ZNF365: variants seen among roughly 807,000 people sequenced by gnomAD.
ZNF365 encodes the protein protein ZNF365.
Under a neutral mutation model 35.0 loss-of-function variants are expected in ZNF365, and 22 were observed. The ratio of observed to expected loss-of-function variants is 0.63; its 90% CI spans 0.45 to 0.90. The LOEUF (loss-of-function observed/expected upper bound fraction) is 0.90. Among genes scored for constraint, ZNF365 ranks in the 40% least tolerant of loss-of-function variants. The pLI, the probability that ZNF365 is intolerant of heterozygous loss-of-function variation, is 0.00. For synonymous variants in ZNF365, 188 were observed against 196.2 expected, an observed-to-expected ratio of 0.96 and a Z score of 0.35; for missense variants, 448 against 500.3, an observed-to-expected ratio of 0.90 and a Z score of 1.00.
intron 2 of ZNF365, 74 bp from the exon 3 acceptor site, chr10:62,388,322 A>G: frequency 1.3e-6 from 2 of 1,564,148 alleles, no homozygotes; most frequent in Non-Finnish European, 1.7e-6. Context: ...GTAGGCACTC[A>G]ATAAATATGT....
At chr10:62,439,132 A>T (rs959726794) in intron 3 of ZNF365, among the ~76,000 whole-genome samples, 1 of 152,128 alleles carries the variant, frequency 6.6e-6, no homozygotes, top group Non-Finnish European at 1.5e-5. Flanking sequence ...AGATATTTTA[A>T]TTCCATTTCC....
At chr10:62,457,776 C>T (rs528184703) in intron 3 of ZNF365, among the ~76,000 whole-genome samples, 50 of 152,296 alleles carry the variant, frequency 3.3e-4, no homozygotes, top group African/African-American at 1.1e-3. Context: ...GGTGCAGCTC[C>T]CTGCCACTGA....
At chr10:62,378,249 G>A (rs1391617090) in intron 2 of ZNF365, among the ~76,000 whole-genome samples, 2 of 152,206 alleles carry the variant, frequency 1.3e-5, no homozygotes. Context: ...AAGGGCAGAT[G>A]TGGTTACTCT....
At position 62,376,409 on chromosome 10, in the gene ZNF365, C is replaced by T. The variant is rs776987104; in HGVS notation, c.216C>T (p.Asp72=). 2 of 1,614,190 alleles carry T rather than the reference C, an allele frequency of 1.2e-6. No homozygotes were observed. The highest frequency in any genetic ancestry group is 1.7e-6 in the Non-Finnish European group (2 of 1,180,048). ...TCTTTCCATCCCTCAAAGACACAGA[C>T]CTAGTCACTTCCTCAGAACTCCTGA... is the stretch of plus-strand genomic sequence containing the variant. ...CSLFPSLKDT[D]LVTSSELLKP... is the part of the protein sequence containing the mutation. The change falls in exon 2 of 5, where the codon GAC becomes GAT. Residue 72 remains aspartate (D), a synonymous_variant. Transcript: ENST00000395254.
intron 3 of ZNF365, among the ~76,000 whole-genome samples, chr10:62,413,060 G>A (rs1840010793): frequency 6.6e-6 from 1 of 152,132 alleles, no homozygotes. Flanking sequence ...TGAGATTACT[G>A]TATAGCAATG....
downstream of ZNF365, among the ~76,000 whole-genome samples, chr10:62,402,847 G>C (rs1238821975): frequency 6.6e-6 from 1 of 152,192 alleles, no homozygotes; most frequent in Non-Finnish European, 1.5e-5. Context: ...CCCAGAGAGT[G>C]ATCAGAATAG....
chr10:62,450,576 A>G (rs899488728), intron 3 of ZNF365, among the ~76,000 whole-genome samples: 1 of 152,202 alleles, frequency 6.6e-6, no homozygotes, highest in Non-Finnish European at 1.5e-5. Context: ...CTCCAGAGGC[A>G]TGCAGCTAAC....
At chr10:62,459,886 G>A (rs569258574) in intron 4 of ZNF365, 22 of 1,145,424 alleles carry the variant, frequency 1.9e-5, no homozygotes, top group East Asian at 1.3e-4. Context: ...TGGAAGGGGC[G>A]CAGCAGGCCA....
chr10:62,474,766 A>G (rs1336959105), intron 4 of ZNF365, among the ~76,000 whole-genome samples: 1 of 152,154 alleles, frequency 6.6e-6, no homozygotes, highest in Non-Finnish European at 1.5e-5. Flanking sequence ...CCCAAAACTA[A>G]ACGTTTTCTC....
intron 4 of ZNF365, among the ~76,000 whole-genome samples, chr10:62,466,999 G>T (rs1055160556): frequency 2.0e-5 from 3 of 152,020 alleles, no homozygotes; most frequent in African/African-American, 7.2e-5. Flanking sequence ...ATGGAGTTTT[G>T]TCTGGCTGAG....
At chr10:62,391,013 A>G (rs1385702128) in intron 3 of ZNF365, among the ~76,000 whole-genome samples, 1 of 152,194 alleles carries the variant, frequency 6.6e-6, no homozygotes, top group Non-Finnish European at 1.5e-5. Flanking sequence ...ATTACTGTAC[A>G]CTACTGTAGA....
chr10:62,378,612 T>C (rs952056561), intron 2 of ZNF365, among the ~76,000 whole-genome samples: 1 of 152,160 alleles, frequency 6.6e-6, no homozygotes, highest in Non-Finnish European at 1.5e-5. Context: ...AAGTAGCCTC[T>C]CCAATCCAAG....
intron 3 of ZNF365, among the ~76,000 whole-genome samples, chr10:62,438,193 G>T (rs935962783): frequency 1.8e-4 from 26 of 142,650 alleles, no homozygotes; most frequent in East Asian, 4.0e-4. Flanking sequence ...TTTTGTTTTT[G>T]TTTTTTTTTT....
intron 4 of ZNF365, among the ~76,000 whole-genome samples, chr10:62,473,747 C>A (rs557549318): frequency 3.3e-5 from 5 of 152,010 alleles, no homozygotes; most frequent in Non-Finnish European, 7.4e-5. Flanking sequence ...GTTAGTGTAT[C>A]GATTAGAATG....
chr10:62,429,624 A>C (rs913101855), intron 3 of ZNF365, among the ~76,000 whole-genome samples: 9 of 152,232 alleles, frequency 5.9e-5, no homozygotes. Context: ...AGTTTTGCAC[A>C]GTTCAATTTA....
chr10:62,396,584 C>T (rs1370902998), intron 3 of ZNF365, among the ~76,000 whole-genome samples: 1 of 152,164 alleles, frequency 6.6e-6, no homozygotes, highest in Admixed American at 6.5e-5. Flanking sequence ...CTTGGTAAGA[C>T]ACAGTAAAGT....
intron 3 of ZNF365, among the ~76,000 whole-genome samples, chr10:62,446,256 G>A (rs1387554634): frequency 1.3e-5 from 2 of 152,112 alleles, no homozygotes; most frequent in Non-Finnish European, 2.9e-5. Context: ...ATTCCCTTTA[G>A]AATTTCTTCA....
chr10:62,426,994 C>T (rs1257399718), intron 3 of ZNF365, among the ~76,000 whole-genome samples: 1 of 152,106 alleles, frequency 6.6e-6, no homozygotes, highest in Non-Finnish European at 1.5e-5. Flanking sequence ...ACCTTTCTGT[C>T]AATAATGGAC....
At chr10:62,458,467 AACACACACAC>A (rs3999114) in intron 3 of ZNF365, among the ~76,000 whole-genome samples, 1 of 148,286 alleles carries the variant, frequency 6.7e-6, no homozygotes, top group East Asian at 2.0e-4. Context: ...CACCATCTTG[AACACACACAC>A]ACACACACAC....
Sources: gnomAD v4.1 joint callset for allele counts (sites outside exome capture counted in the v4.1 genomes callset) on GRCh38, gnomAD v4.1.1 for gene constraint, MANE v1.5 for transcripts, NCBI Gene and HGNC (gene_info 2026-07-23, HGNC 2026-07-21) for gene names.